The following HNRNPA3 variants were observed in gnomAD, a reference collection of about 807,000 sequenced individuals.
HNRNPA3 encodes heterogeneous nuclear ribonucleoprotein A3.
In HNRNPA3, 3 loss-of-function variants were observed where a neutral mutation model predicts 45.8. The observed-to-expected ratio is 0.07, with a 90% CI of 0.03 to 0.17. The LOEUF (loss-of-function observed/expected upper bound fraction) is 0.17, where lower values mean the gene tolerates loss of function less well. Among genes scored for constraint, HNRNPA3 ranks in the 10% least tolerant of loss-of-function variants. HNRNPA3 has a pLI of 1.00. For missense variants in HNRNPA3, 183 were observed against 480.3 expected, an observed-to-expected ratio of 0.38 and a Z score of 5.79; for synonymous variants, 170 against 155.6, an observed-to-expected ratio of 1.09 and a Z score of -0.69.
chr2:177,218,227 A>C (rs1689039883), intron 8 of HNRNPA3, among the ~76,000 whole-genome samples: 1 of 151,802 alleles, frequency 6.6e-6, no homozygotes, highest in Non-Finnish European at 1.5e-5. Flanking sequence ...ACGCCCGGTT[A>C]ATTTTTTTGC....
chr2:177,213,920 C>T (rs924253010), intron 1 of HNRNPA3, among the ~76,000 whole-genome samples: 3 of 152,210 alleles, frequency 2.0e-5, no homozygotes, highest in Admixed American at 2.0e-4. Flanking sequence ...CAATCGAATA[C>T]ATTTATCCAA....
chr2:177,214,463 A>C (rs1165968164), intron 1 of HNRNPA3, among the ~76,000 whole-genome samples: 2 of 152,120 alleles, frequency 1.3e-5, no homozygotes, highest in Non-Finnish European at 2.9e-5. Context: ...TAAGTTTGAC[A>C]TTCAGAACTT....
chr2:177,221,848 T>C (rs1160882875), downstream of HNRNPA3: 1 of 152,654 alleles, frequency 6.6e-6, no homozygotes. Context: ...AATCTGCTTA[T>C]TACAACTGAA....
chr2:177,215,481 C>G, intron 1 of HNRNPA3, 58 bp from the exon 2 acceptor site: 8 of 1,540,426 alleles, frequency 5.2e-6, no homozygotes, highest in Non-Finnish European at 7.2e-6. Flanking sequence ...AAAGGCTCTT[C>G]GTGCATCTTA....
chr2:177,216,874 G>A (rs552402314), exon 7 of HNRNPA3: 1 of 1,610,114 alleles, frequency 6.2e-7, no homozygotes, highest in Admixed American at 1.7e-5. Flanking sequence ...CTATGGTGGT[G>A]GAGGTGGTGG....
downstream of HNRNPA3, chr2:177,222,491 G>C (rs1689224363): frequency 6.6e-6 from 1 of 152,104 alleles, no homozygotes; most frequent in African/African-American, 2.4e-5. Context: ...CTCATACTAG[G>C]AAAACACCTT....
At chr2:177,216,267 A>G in intron 4 of HNRNPA3, 79 bp downstream of exon 4, 1 of 1,010,882 alleles carries the variant, frequency 9.9e-7, no homozygotes, top group Admixed American at 2.2e-5. Context: ...CTAAATTGTA[A>G]TTTTCTGTTG....
At chr2:177,214,701 A>C (rs968343676) in intron 1 of HNRNPA3, among the ~76,000 whole-genome samples, 12 of 152,240 alleles carry the variant, frequency 7.9e-5, no homozygotes, top group Non-Finnish European at 1.0e-4. Flanking sequence ...AGGCTGAGGC[A>C]GGAAAATGGC....
At chr2:177,218,046 T>C (rs902195402) in intron 8 of HNRNPA3, among the ~76,000 whole-genome samples, 7 of 114,534 alleles carry the variant, frequency 6.1e-5, no homozygotes, top group African/African-American at 2.1e-4. Flanking sequence ...CTCAGCTCTC[T>C]TTTTTCTTTT....
chr2:177,215,129 T>A (rs1688876770), intron 1 of HNRNPA3, among the ~76,000 whole-genome samples: 1 of 152,090 alleles, frequency 6.6e-6, no homozygotes, highest in Non-Finnish European at 1.5e-5. Context: ...GAGACGGAGT[T>A]TTCGCTCCTA....
downstream of HNRNPA3, chr2:177,223,702 C>A (rs777022521): frequency 1.3e-5 from 2 of 152,158 alleles, no homozygotes; most frequent in Non-Finnish European, 2.9e-5. Flanking sequence ...GATTGTTAGC[C>A]TATCTAAATA....
At chr2:177,212,834 C>G (rs909679127) in exon 1 of HNRNPA3, 7 of 1,557,080 alleles carry the variant, frequency 4.5e-6, no homozygotes, top group Non-Finnish European at 6.1e-6. Context: ...CGCCCCCAGC[C>G]CGACTCCGGC....
At chr2:177,216,437 T>A in intron 4 of HNRNPA3, 66 bp from the exon 5 acceptor site, 1 of 1,138,382 alleles carries the variant, frequency 8.8e-7, no homozygotes, top group Non-Finnish European at 1.3e-6. Context: ...ACAGAGGGTA[T>A]CTCATATATG....
chr2:177,219,260 TGGTGGTGGA>T (rs1319697483), exon 10 of HNRNPA3: 1 of 1,613,812 alleles, frequency 6.2e-7, no homozygotes, highest in Non-Finnish European at 8.5e-7. Context: ...GTTATGGATC[TGGTGGTGGA>T]AGTGGTGGAT....
At chr2:177,216,422 T>G in intron 4 of HNRNPA3, 81 bp from the exon 5 acceptor site, 1 of 997,034 alleles carries the variant, frequency 1.0e-6, no homozygotes, top group Admixed American at 2.0e-5. Context: ...ATGGGTTACA[T>G]AATGACAGAG....
chr2:177,213,786 G>C (rs1558967544), intron 1 of HNRNPA3, among the ~76,000 whole-genome samples: 1 of 152,222 alleles, frequency 6.6e-6, no homozygotes, highest in Non-Finnish European at 1.5e-5. Flanking sequence ...CCCATTCTTT[G>C]AGTCGGCTCT....
chr2:177,215,411 C>G (rs1299146016), intron 1 of HNRNPA3, 128 bp from the exon 2 acceptor site: 1 of 998,282 alleles, frequency 1.0e-6, no homozygotes. Flanking sequence ...AAAGTTTTAA[C>G]TGGACAAAGT....
rs1255890578 is a variant in HNRNPA3, at chr2:177,216,798, G to A, written c.739+27G>A. The A allele has an allele frequency of 1.9e-6, 3 of 1,613,634 alleles. No individual in the cohort carries two copies. The highest frequency in any genetic ancestry group is 3.3e-5 in the Admixed American group (2 of 59,906). On this transcript the variant is annotated intron_variant, in intron 6 of 10. Coordinates refer to ENST00000392524, the Ensembl canonical transcript of HNRNPA3. ...TAGGCTGTTTATCTTCTAAGTACAT[G>A]GATACCTGACATTTTGGTAAGTTGA...
At chr2:177,223,381 G>C (rs925180027), downstream of HNRNPA3, 4 of 151,372 alleles carry the variant, frequency 2.6e-5, no homozygotes, top group African/African-American at 9.8e-5. Context: ...AGTATTCTCA[G>C]AAGTTGTAGC....
Sources: allele counts gnomAD v4.1 joint callset (sites outside exome capture counted in the v4.1 genomes callset), GRCh38; gene constraint gnomAD v4.1.1; transcripts MANE v1.5; gene names NCBI Gene and HGNC (gene_info 2026-07-23, HGNC 2026-07-21).